CCR5AS: variants seen among roughly 807,000 people sequenced by gnomAD.
CCR5AS encodes CCR5 antisense RNA.
intron 1 of CCR5AS, among the ~76,000 whole-genome samples, chr3:46,396,559 A>T (rs1701963770): frequency 2.0e-5 from 3 of 152,186 alleles, no homozygotes. Flanking sequence ...CCACTCCCAT[A>T]GATGGGAACA....
At chr3:46,399,893 T>C (rs1040644104) in intron 1 of CCR5AS, among the ~76,000 whole-genome samples, 6 of 152,188 alleles carry the variant, frequency 3.9e-5, no homozygotes, top group Non-Finnish European at 7.4e-5. Flanking sequence ...TTTGTCACAC[T>C]CAGAACAGCT....
chr3:46,368,835 C>A (rs1701627391), intron 3 of CCR5AS, among the ~76,000 whole-genome samples: 1 of 152,128 alleles, frequency 6.6e-6, no homozygotes, highest in Non-Finnish European at 1.5e-5. Context: ...TCCTCCAATA[C>A]CCTAATGACA....
At chr3:46,366,462 G>C (rs935512602) in intron 3 of CCR5AS, among the ~76,000 whole-genome samples, 1 of 152,218 alleles carries the variant, frequency 6.6e-6, no homozygotes, top group African/African-American at 2.4e-5. Flanking sequence ...CGATCTGAAA[G>C]AAATCCCCTA....
chr3:46,385,143 T>A (rs1701848716), intron 2 of CCR5AS, among the ~76,000 whole-genome samples: 1 of 152,210 alleles, frequency 6.6e-6, no homozygotes. Flanking sequence ...TAGCTATTTA[T>A]CACTCCACAG....
intron 2 of CCR5AS, among the ~76,000 whole-genome samples, chr3:46,391,794 A>C (rs1162308815): frequency 1.3e-5 from 2 of 152,086 alleles, no homozygotes; most frequent in African/African-American, 2.4e-5. Flanking sequence ...CTGGGGAAGA[A>C]TTGGGACCTG....
chr3:46,403,474 G>A (rs961598973), intron 1 of CCR5AS, among the ~76,000 whole-genome samples: 1 of 152,228 alleles, frequency 6.6e-6, no homozygotes, highest in African/African-American at 2.4e-5. Flanking sequence ...AACTACTAAA[G>A]GGGGTAAGGA....
intron 2 of CCR5AS, among the ~76,000 whole-genome samples, chr3:46,391,372 AG>A (rs1320798980): frequency 6.6e-6 from 1 of 152,214 alleles, no homozygotes; most frequent in Non-Finnish European, 1.5e-5. Flanking sequence ...GTACACCTTA[AG>A]GCGAGGGTAA....
intron 2 of CCR5AS, chr3:46,373,915 T>A (rs1273100639): frequency 1.9e-6 from 3 of 1,596,946 alleles, no homozygotes; most frequent in Admixed American, 1.7e-5. Flanking sequence ...GCAAGCTCAG[T>A]TTACACCCGA....
At chr3:46,396,242 C>T (rs2106775834) in intron 1 of CCR5AS, among the ~76,000 whole-genome samples, 1 of 151,948 alleles carries the variant, frequency 6.6e-6, no homozygotes, top group East Asian at 1.9e-4. Flanking sequence ...AGTGTCTGCC[C>T]AACTCGACTG....
chr3:46,397,598 C>G (rs920448664), intron 1 of CCR5AS, among the ~76,000 whole-genome samples: 3 of 152,160 alleles, frequency 2.0e-5, no homozygotes. Context: ...ACACATCAGC[C>G]CACTAGACCC....
rs534677585 is a variant in CCR5AS at position 46,373,870 on chromosome 3, G to T, written n.392-2453C>A. The T allele has an allele frequency of 3.7e-6, 6 of 1,613,596 alleles. No homozygotes were observed. The Admixed American group carries it at 5.0e-5, about 13-fold the overall frequency. On this transcript the variant is annotated intron_variant and non_coding_transcript_variant, in intron 2 of 3. Transcript: ENST00000451485. ...CACATTGCCAAACGCTTCTGCAAAT[G>T]CTGTTCTATTTTCCAGCAAGAGGCT... is the stretch of plus-strand genomic sequence containing the variant.
At chr3:46,373,342 T>C in intron 2 of CCR5AS, 1 of 1,614,172 alleles carries the variant, frequency 6.2e-7, no homozygotes, top group Non-Finnish European at 8.5e-7. Flanking sequence ...TTTGGGGTGG[T>C]GACAAGTGTG....
intron 1 of CCR5AS, among the ~76,000 whole-genome samples, chr3:46,402,801 G>T (rs1457519459): frequency 6.6e-6 from 1 of 152,106 alleles, no homozygotes; most frequent in Non-Finnish European, 1.5e-5. Flanking sequence ...GTAACCTTTT[G>T]TCATGAGGGT....
At chr3:46,402,747 T>C (rs1191807472) in intron 1 of CCR5AS, among the ~76,000 whole-genome samples, 1 of 152,214 alleles carries the variant, frequency 6.6e-6, no homozygotes, top group Non-Finnish European at 1.5e-5. Flanking sequence ...TTTTTTGAAC[T>C]TTTATTTTAG....
chr3:46,391,182 T>G (rs1278031823), intron 2 of CCR5AS, among the ~76,000 whole-genome samples: 1 of 152,208 alleles, frequency 6.6e-6, no homozygotes, highest in Non-Finnish European at 1.5e-5. Context: ...AGTGGCCAGA[T>G]TTCCGGCACT....
intron 3 of CCR5AS, among the ~76,000 whole-genome samples, chr3:46,370,424 G>A (rs1015784307): frequency 2.0e-5 from 3 of 152,072 alleles, no homozygotes; most frequent in African/African-American, 7.2e-5. Flanking sequence ...GGGGATACGG[G>A]GAGAGTGGAG....
chr3:46,402,869 T>C (rs990812063), intron 1 of CCR5AS, among the ~76,000 whole-genome samples: 1 of 152,194 alleles, frequency 6.6e-6, no homozygotes, highest in African/African-American at 2.4e-5. Flanking sequence ...ATAGGTATCT[T>C]TTCTGCTCCT....
chr3:46,366,014 C>T (rs1388770233), intron 3 of CCR5AS, among the ~76,000 whole-genome samples: 1 of 152,202 alleles, frequency 6.6e-6, no homozygotes, highest in Non-Finnish European at 1.5e-5. Flanking sequence ...TCTTCAGAGC[C>T]CCTTTCTTTG....
chr3:46,393,734 A>C (rs1282797664), intron 1 of CCR5AS, among the ~76,000 whole-genome samples: 1 of 152,212 alleles, frequency 6.6e-6, no homozygotes, highest in Non-Finnish European at 1.5e-5. Context: ...ACATAGAGTG[A>C]CACGTGCTCC....
Sources: gnomAD v4.1 joint callset for allele counts (sites outside exome capture counted in the v4.1 genomes callset) on GRCh38, gnomAD v4.1.1 for gene constraint, MANE v1.5 for transcripts, NCBI Gene and HGNC (gene_info 2026-07-23, HGNC 2026-07-21) for gene names.